The following TNNI3K variants were observed in gnomAD, a reference collection of about 807,000 sequenced individuals.
The protein encoded by TNNI3K is TNNI3 interacting kinase, also known as serine/threonine-protein kinase TNNI3K.
TNNI3K carries 140 observed loss-of-function variants against 114.5 expected under a neutral mutation model. The ratio of observed to expected loss-of-function variants is 1.22; its 90% CI spans 1.07 to 1.41. The LOEUF (loss-of-function observed/expected upper bound fraction) is 1.41, where lower values mean the gene tolerates loss of function less well. TNNI3K is among the 40% of genes most tolerant of loss of function. The pLI is 0.00. For missense variants in TNNI3K, 1,125 were observed against 1,007.6 expected (o/e 1.12, Z -1.58); for synonymous variants, 347 against 347.5 (o/e 1.00, Z 0.02).
chr1:74,501,483 TG>T (rs1471378015), intron 23 of TNNI3K, among the ~76,000 whole-genome samples: 4 of 124,426 alleles, frequency 3.2e-5, no homozygotes, highest in African/African-American at 2.1e-4. Context: ...TGTGTTTGTT[TG>T]TTTGTTTGTT....
chr1:74,385,618 A>G (rs568336150), intron 17 of TNNI3K, among the ~76,000 whole-genome samples: 41 of 150,492 alleles, frequency 2.7e-4, no homozygotes, highest in Admixed American at 1.6e-3. Flanking sequence ...GAAATGGAAG[A>G]AAAAAAGGTT....
chr1:74,245,683 A>G (rs1654507954), intron 2 of TNNI3K, among the ~76,000 whole-genome samples: 2 of 152,206 alleles, frequency 1.3e-5, no homozygotes, highest in African/African-American at 4.8e-5. Flanking sequence ...GAATTTTAAA[A>G]TAGAAAAAGA....
chr1:74,422,953 C>T (rs551010237), intron 17 of TNNI3K, among the ~76,000 whole-genome samples: 86 of 152,212 alleles, frequency 5.7e-4, no homozygotes, highest in African/African-American at 1.9e-3. Flanking sequence ...GGGTAACTTT[C>T]GGCTTTGTCT....
Position 74,540,425 on chromosome 1 carries a change from G to A in TNNI3K, c.2431+112G>A, listed in dbSNP as rs914786621. 23 of 979,678 alleles carry A rather than the reference G, an allele frequency of 2.3e-5. No homozygotes were observed. The African/African-American group carries it at 3.7e-4, about 16-fold the overall frequency. The allele number at this position is 979,678 out of a possible 1,614,324, so 60.7% of individuals were successfully genotyped here. ...TATTGTAATATCCAAAATGACAGAT[G>A]CTTTAAAAATATAAAAGTATAAAAT... On this transcript the variant is annotated intron_variant, in intron 24 of 24. Transcript: ENST00000326637.
In TNNI3K at chr1:74,543,987, A is replaced by G. The variant is rs199785226; in HGVS notation, c.*5A>G. On this transcript the variant is annotated 3_prime_UTR_variant, in exon 25 of 25. Transcript: ENST00000326637. The stretch of plus-strand genomic sequence containing the variant: ...AGCTTTGAGGACAGCAGCTGACAGC[A>G]TTCGGCGTATACCTAAGGAGAGTTT... The G allele has an allele frequency of 1.6e-5, 26 of 1,612,526 alleles. No homozygotes were observed. Among genetic ancestry groups the G allele is most frequent in the Non-Finnish European group, 1.4e-5 (17 of 1,179,438 alleles).
At chr1:74,497,415 C>T (rs927262214) in intron 23 of TNNI3K, among the ~76,000 whole-genome samples, 1 of 152,034 alleles carries the variant, frequency 6.6e-6, no homozygotes, top group African/African-American at 2.4e-5. Flanking sequence ...ATCCTCTCTC[C>T]ATCCCTAACT....
intron 4 of TNNI3K, among the ~76,000 whole-genome samples, chr1:74,262,509 T>C (rs1655738762): frequency 6.6e-6 from 1 of 151,852 alleles, no homozygotes; most frequent in Non-Finnish European, 1.5e-5. Flanking sequence ...TAAATGGGAA[T>C]TTGACAAGAT....
At chr1:74,495,563 C>T (rs1484194634) in intron 23 of TNNI3K, among the ~76,000 whole-genome samples, 2 of 152,108 alleles carry the variant, frequency 1.3e-5, no homozygotes, top group Non-Finnish European at 2.9e-5. Context: ...CACTATTGAA[C>T]ATCCTGGGCA....
At chr1:74,453,782 G>A (rs1320925225) in intron 20 of TNNI3K, among the ~76,000 whole-genome samples, 2 of 152,122 alleles carry the variant, frequency 1.3e-5, no homozygotes, top group South Asian at 2.1e-4. Flanking sequence ...GATGCTCAAG[G>A]CAGAACAGTG....
At chr1:74,422,300 G>A (rs1204947661) in intron 17 of TNNI3K, among the ~76,000 whole-genome samples, 2 of 151,942 alleles carry the variant, frequency 1.3e-5, no homozygotes, top group Non-Finnish European at 2.9e-5. Flanking sequence ...CTATTAGAAA[G>A]CAACCAATTA....
chr1:74,489,265 C>A lies in TNNI3K; in HGVS notation c.2181+17C>A. The A allele has an allele frequency of 6.2e-7, 1 of 1,603,678 alleles. No individual in the cohort carries two copies. Among genetic ancestry groups the A allele is most frequent in the Non-Finnish European group, 8.5e-7 (1 of 1,176,324 alleles). The stretch of plus-strand genomic sequence containing the variant: ...AACATTGAGGTAAAAGCTTTAGCTT[C>A]TGAAATATGTCCATAAAAAAGCCCT... On this transcript the variant is annotated intron_variant, in intron 22 of 24. Transcript: ENST00000326637.
chr1:74,428,502 AG>A (rs1475180094), intron 17 of TNNI3K, among the ~76,000 whole-genome samples: 1 of 152,094 alleles, frequency 6.6e-6, no homozygotes, highest in Non-Finnish European at 1.5e-5. Flanking sequence ...TTTGGTAAGG[AG>A]GGGAGTGCCC....
At chr1:74,298,576 C>T (rs1460713718) in intron 5 of TNNI3K, among the ~76,000 whole-genome samples, 1 of 152,062 alleles carries the variant, frequency 6.6e-6, no homozygotes, top group African/African-American at 2.4e-5. Context: ...TAGACTTTGT[C>T]CCAGGTATCT....
At chr1:74,329,717 C>T (rs72964874) in intron 5 of TNNI3K, among the ~76,000 whole-genome samples, 2,423 of 152,074 alleles carry the variant, frequency 0.016, 65 homozygotes, top group African/African-American at 0.056. Context: ...GATTTAGTTT[C>T]CTATTGACAC....
chr1:74,503,254 G>A (rs1175633481), intron 23 of TNNI3K, among the ~76,000 whole-genome samples: 2 of 152,090 alleles, frequency 1.3e-5, no homozygotes, highest in Non-Finnish European at 2.9e-5. Context: ...ATACAATAGG[G>A]AATCAGCATC....
intron 11 of TNNI3K, among the ~76,000 whole-genome samples, chr1:74,359,459 C>T (rs935711418): frequency 2.0e-5 from 3 of 151,870 alleles, no homozygotes; most frequent in Non-Finnish European, 4.4e-5. Context: ...TGATGAAGGG[C>T]TTATATTCCT....
At chr1:74,514,520 T>C (rs1646320294) in intron 23 of TNNI3K, among the ~76,000 whole-genome samples, 1 of 152,218 alleles carries the variant, frequency 6.6e-6, no homozygotes, top group African/African-American at 2.4e-5. Context: ...ATTGAGAACC[T>C]ACTATGTACT....
chr1:74,420,329 T>C (rs1205255202), intron 17 of TNNI3K, among the ~76,000 whole-genome samples: 3 of 152,104 alleles, frequency 2.0e-5, no homozygotes, highest in African/African-American at 4.8e-5. Flanking sequence ...ATGCACCTAT[T>C]TGTTCAAAGA....
intron 5 of TNNI3K, among the ~76,000 whole-genome samples, chr1:74,327,224 A>G (rs974547330): frequency 1.3e-4 from 19 of 151,528 alleles, no homozygotes; most frequent in African/African-American, 4.6e-4. Flanking sequence ...TTCATACAGT[A>G]ATTGTTATAC....
Sources: gnomAD v4.1 joint callset for allele counts (sites outside exome capture counted in the v4.1 genomes callset) on GRCh38, gnomAD v4.1.1 for gene constraint, MANE v1.5 for transcripts, NCBI Gene and HGNC (gene_info 2026-07-23, HGNC 2026-07-21) for gene names.